The following ARID3A variants were observed in gnomAD, a reference collection of about 807,000 sequenced individuals.
ARID3A encodes the protein AT-rich interactive domain-containing protein 3A.
ARID3A carries 11 observed loss-of-function variants against 52.7 expected under a neutral mutation model. The ratio of observed to expected loss-of-function variants is 0.21; its 90% CI spans 0.13 to 0.35. The LOEUF is 0.35. Ranked by LOEUF, ARID3A falls within the 10% of genes least tolerant of loss-of-function variation. The pLI is 1.00. For missense variants in ARID3A, 721 were observed against 838.5 expected (o/e 0.86, Z 1.73); for synonymous variants, 404 against 359.4 (o/e 1.12, Z -1.40).
rs1256732774 is a variant in ARID3A at position 973,174 on chromosome 19, G to GCGATCTTGGCT, written c.*1111_*1121dup. 2.5e-5 allele frequency: 4 copies of GCGATCTTGGCT among 159,666 alleles called. No homozygotes were observed. Among genetic ancestry groups the GCGATCTTGGCT allele is most frequent in the Non-Finnish European group, 3.9e-5 (3 of 77,386 alleles). The allele number at this position is 159,666 out of a possible 1,614,324, so 9.9% of individuals were successfully genotyped here. A position where few individuals can be genotyped will look rare whatever the true frequency, so the allele number is the denominator to read the frequency against. Reference sequence around the variant, plus strand: ...CCCAGGCTGGAGTGAGTGCAATGGTGCGATCTTGGCTCACTGCAACCTGCA... The same window carrying GCGATCTTGGCT: ...CCCAGGCTGGAGTGAGTGCAATGGTGCGATCTTGGCTCGATCTTGGCTCACTGCAACCTGCA... On this transcript the variant is annotated 3_prime_UTR_variant, in exon 9 of 9. Transcript: ENST00000263620.
At position 932,700 on chromosome 19, in the gene ARID3A, G is replaced by A. The variant is rs1186390471; in HGVS notation, c.651G>A (p.Pro217=). 4.8e-5 allele frequency: 74 copies of A among 1,546,968 alleles called. No homozygotes were observed. Among genetic ancestry groups the A allele is most frequent in the South Asian group, 9.5e-5 (8 of 83,966 alleles). ...GAAHVAPQLQ[P]PDHGDWTYEE... ...CCCACGTAGCCCCGCAGCTGCAGCC[G>A]CCTGACCACGGCGACTGGACTTACG... The change falls in exon 3 of 9, where the codon CCG becomes CCA. Residue 217 remains proline (P), a synonymous_variant. Transcript: ENST00000263620.
At chr19:935,821 C>T (rs758814442) in intron 3 of ARID3A, among the ~76,000 whole-genome samples, 4 of 151,862 alleles carry the variant, frequency 2.6e-5, no homozygotes, top group African/African-American at 9.7e-5. Flanking sequence ...GACGGAGTCT[C>T]GCTCTGTCGC....
At position 929,913 on chromosome 19, in the gene ARID3A, G is replaced by T. The variant is rs1371888287; in HGVS notation, c.368+17G>T. ...CGAGGACATGTGAGTTGGGGTCTGG[G>T]GCAGGGCCTTCTGGGGGCTGTTACT... On this transcript the variant is annotated intron_variant, in intron 2 of 8. Coordinates refer to ENST00000263620, the MANE Select transcript of ARID3A (RefSeq NM_005224.3). The surrounding 1 kb of genome is among the most constrained non-coding windows in gnomAD (Gnocchi z 6.2). 1.3e-6 allele frequency: 2 copies of T among 1,538,496 alleles called. No homozygotes were observed. The highest frequency in any genetic ancestry group is 1.7e-6 in the Non-Finnish European group (2 of 1,146,714).
rs1035980123 is a variant in ARID3A at position 958,443 on chromosome 19, A to G, written c.694-1649A>G. Reference sequence around the variant, plus strand: ...ACTCCATCTCAAAAAAAAAAAAAAAAAAGAAGAAAGAAAAAGAAAAGAAGA... The same window carrying G: ...ACTCCATCTCAAAAAAAAAAAAAAAGAAGAAGAAAGAAAAAGAAAAGAAGA... On this transcript the variant is annotated intron_variant, in intron 3 of 8. Coordinates refer to ENST00000263620, the MANE Select transcript of ARID3A (RefSeq NM_005224.3). Among the ~76,000 whole-genome samples, 191 of 151,386 alleles carry G rather than the reference A, an allele frequency of 1.3e-3. 2 individuals carry two copies. Among genetic ancestry groups the G allele is most frequent in the African/African-American group, 3.7e-3 (151 of 41,332 alleles).
chr19:968,362 AAAAAAAAG>A lies in ARID3A; in HGVS notation c.1496-31_1496-24del, dbSNP rs1338075054. The A allele has an allele frequency of 3.8e-6, 6 of 1,574,602 alleles. No homozygotes were observed. The East Asian group carries it at 6.8e-5, about 18-fold the overall frequency. ...CAACAGAGCAAGACTCTGTCTCAAA[AAAAAAAAG>A]AAAAAAAGAAACTAATTTGTTCTTC... On this transcript the variant is annotated intron_variant, in intron 7 of 8. Coordinates refer to ENST00000263620, the MANE Select transcript of ARID3A (RefSeq NM_005224.3).
intron 3 of ARID3A, among the ~76,000 whole-genome samples, chr19:951,198 C>T (rs192164648): frequency 2.2e-4 from 33 of 152,142 alleles, no homozygotes; most frequent in Middle Eastern, 3.4e-3. Flanking sequence ...CTCAAGTGAT[C>T]CTTCTGCCTT....
chr19:962,513 C>CT (rs539409112), intron 4 of ARID3A, among the ~76,000 whole-genome samples: 14,606 of 115,064 alleles, frequency 0.13, 1,386 homozygotes, highest in East Asian at 0.42. Flanking sequence ...GCTGCTGATC[C>CT]TTTTTTTTTT....
intron 4 of ARID3A, among the ~76,000 whole-genome samples, chr19:962,778 G>A (rs2038070832): frequency 6.6e-6 from 1 of 152,096 alleles, no homozygotes; most frequent in Non-Finnish European, 1.5e-5. Flanking sequence ...GCCTCCCAAA[G>A]TGCTGGAATG....
At chr19:965,134 T>C (rs916961198) in intron 6 of ARID3A, 54 bp downstream of exon 6, 7 of 1,527,334 alleles carry the variant, frequency 4.6e-6, no homozygotes, top group Non-Finnish European at 5.3e-6. Context: ...TCAGCCTGGC[T>C]GTCTGACCTT....
Position 929,989 on chromosome 19 carries a change from C to T in ARID3A, c.368+93C>T, listed in dbSNP as rs1305349652. 22 of 1,474,198 alleles carry T rather than the reference C, an allele frequency of 1.5e-5. No individual in the cohort carries two copies. The highest frequency in any genetic ancestry group is 7.7e-5 in the South Asian group (6 of 77,496). 91.3% of individuals were successfully genotyped at this position (1,474,198 alleles called of 1,614,324 possible). Reference sequence around the variant, plus strand: ...TGCAGAATGGGAGTAAGGGTCAGGTCGCGGGATCTCCTTCCTGTAATTCCA... The same window carrying T: ...TGCAGAATGGGAGTAAGGGTCAGGTTGCGGGATCTCCTTCCTGTAATTCCA... On this transcript the variant is annotated intron_variant, in intron 2 of 8. Coordinates refer to ENST00000263620, the MANE Select transcript of ARID3A (RefSeq NM_005224.3). This position sits in a 1 kb window ranked among gnomAD's most constrained non-coding sequence, Gnocchi z 6.2.
At chr19:970,663 CGGG>C (rs1410693992) in intron 8 of ARID3A, among the ~76,000 whole-genome samples, 1 of 151,812 alleles carries the variant, frequency 6.6e-6, no homozygotes, top group Non-Finnish European at 1.5e-5. Flanking sequence ...TTAGATGATA[CGGG>C]GTTTCACCAT....
Position 944,449 on chromosome 19 carries a change from GC to G in ARID3A, c.693+11709del, listed in dbSNP as rs1332870022. Among the ~76,000 whole-genome samples the G allele has an allele frequency of 1.3e-5, 2 of 152,236 alleles. No homozygotes were observed. The highest frequency in any genetic ancestry group is 1.9e-4 in the East Asian group (1 of 5,178). ...ACGGCCATGGTTTGTGTCTGCCACG[GC>G]CTCAGCCCCGTTGCTTCGGTCGATG... is the stretch of plus-strand genomic sequence containing the variant. On this transcript the variant is annotated intron_variant, in intron 3 of 8. Transcript: ENST00000263620. This position sits in a 1 kb window ranked among gnomAD's most constrained non-coding sequence, Gnocchi z 5.9.
intron 3 of ARID3A, among the ~76,000 whole-genome samples, chr19:954,804 G>A (rs905810683): frequency 1.3e-5 from 2 of 150,924 alleles, no homozygotes; most frequent in African/African-American, 2.4e-5. Flanking sequence ...CAGCCGGGGC[G>A]AAGGCGGCCG....
chr19:941,258 G>T lies in ARID3A; in HGVS notation c.693+8516G>T, dbSNP rs1032639765. 6.6e-6 allele frequency among the ~76,000 whole-genome samples: 1 copy of T among 152,268 alleles called. No homozygotes were observed. Among genetic ancestry groups the T allele is most frequent in the African/African-American group, 2.4e-5 (1 of 41,482 alleles). ...CCGTGGCGTGCGTGCGAGTGTGCAC[G>T]CTGGGGCTGTGGCCGGGCGGCTCGT... On this transcript the variant is annotated intron_variant, in intron 3 of 8. Coordinates refer to ENST00000263620, the MANE Select transcript of ARID3A (RefSeq NM_005224.3). This position sits in a 1 kb window ranked among gnomAD's most constrained non-coding sequence, Gnocchi z 6.9.
In ARID3A at chr19:960,326, A is replaced by G. The variant is rs1398747177; in HGVS notation, c.766+162A>G. Among the ~76,000 whole-genome samples the G allele has an allele frequency of 2.0e-5, 3 of 151,938 alleles. No homozygotes were observed. Among genetic ancestry groups the G allele is most frequent in the African/African-American group, 7.3e-5 (3 of 41,366 alleles). ...GGGACTTCAGGGGTGTCTTGGGGGG[A>G]AACACATCCTGCCATGGAGGTTTGA... On this transcript the variant is annotated intron_variant, in intron 4 of 8. Coordinates refer to ENST00000263620, the MANE Select transcript of ARID3A (RefSeq NM_005224.3). The surrounding 1 kb of genome is among the most constrained non-coding windows in gnomAD (Gnocchi z 4.3).
In ARID3A at chr19:942,340, C is replaced by T. The variant is rs113779343; in HGVS notation, c.693+9598C>T. ...CGACATGGCCCCCGCAGCTGCCCGG[C>T]GGTGGCACCCAGGGGCGTCACCCAC... On this transcript the variant is annotated intron_variant, in intron 3 of 8. Transcript: ENST00000263620. The surrounding 1 kb of genome is among the most constrained non-coding windows in gnomAD (Gnocchi z 8.1). 1.1e-3 allele frequency among the ~76,000 whole-genome samples: 170 copies of T among 152,286 alleles called. 1 individual carries two copies. Among genetic ancestry groups the T allele is most frequent in the African/African-American group, 3.8e-3 (160 of 41,560 alleles).
At chr19:962,268 C>CT (rs2038057348) in intron 4 of ARID3A, among the ~76,000 whole-genome samples, 1 of 152,062 alleles carries the variant, frequency 6.6e-6, no homozygotes, top group African/African-American at 2.4e-5. Flanking sequence ...GTAAAAAACT[C>CT]TAACTAAATT....
At chr19:971,829 C>T (rs775983966) in intron 8 of ARID3A, 49 bp from the exon 9 acceptor site, 49 of 1,546,614 alleles carry the variant, frequency 3.2e-5, no homozygotes, top group African/African-American at 1.4e-5. Flanking sequence ...TGGCCCGCCT[C>T]GCATCTTCTT....
intron 6 of ARID3A, 53 bp downstream of exon 6, chr19:965,133 C>G: frequency 6.5e-7 from 1 of 1,529,316 alleles, no homozygotes; most frequent in East Asian, 2.3e-5. Context: ...TTCAGCCTGG[C>G]TGTCTGACCT....
Sources: allele counts gnomAD v4.1 joint callset (sites outside exome capture counted in the v4.1 genomes callset), GRCh38; gene constraint gnomAD v4.1.1; non-coding constraint Gnocchi (gnomAD v3.1); transcripts MANE v1.5; gene names NCBI Gene and HGNC (gene_info 2026-07-23, HGNC 2026-07-21).